MAF: variants seen among roughly 807,000 people sequenced by gnomAD.
The protein encoded by MAF is transcription factor Maf.
MAF carries 10 observed loss-of-function variants against 22.0 expected under a neutral mutation model. The ratio of observed to expected loss-of-function variants is 0.45; its 90% CI spans 0.28 to 0.77. The LOEUF is 0.77. MAF is among the 30% of genes least tolerant of loss of function. The pLI, the probability that MAF is intolerant of heterozygous loss-of-function variation, is 0.12. For missense variants in MAF, 544 were observed against 548.4 expected, an observed-to-expected ratio of 0.99 and a Z score of 0.08; for synonymous variants, 337 against 255.8, an observed-to-expected ratio of 1.32 and a Z score of -3.03.
At chr16:79,443,897 C>A in the MAF span, among the ~76,000 whole-genome samples, 2 of 151,426 alleles carry the variant, frequency 1.3e-5, no homozygotes, top group South Asian at 2.1e-4. Context: ...AATGGTAAAG[C>A]CACTTGTGGT....
the MAF span, among the ~76,000 whole-genome samples, chr16:79,571,268 G>C: frequency 1.3e-4 from 20 of 152,200 alleles, no homozygotes; most frequent in South Asian, 6.2e-4. Flanking sequence ...AGAACTTGAA[G>C]AATCAGCTCC....
At chr16:79,253,124 T>TGCC in the MAF span, among the ~76,000 whole-genome samples, 1 of 152,198 alleles carries the variant, frequency 6.6e-6, no homozygotes, top group Non-Finnish European at 1.5e-5. Flanking sequence ...ACCAGTGTAC[T>TGCC]GCCCTTCTTG....
chr16:79,374,457 G>T, the MAF span, among the ~76,000 whole-genome samples: 82 of 152,136 alleles, frequency 5.4e-4, no homozygotes, highest in Non-Finnish European at 4.7e-4. Flanking sequence ...CCTGAATTGC[G>T]GCAATTGCTG....
chr16:79,561,007 G>A, the MAF span, among the ~76,000 whole-genome samples: 1 of 152,142 alleles, frequency 6.6e-6, no homozygotes, highest in African/African-American at 2.4e-5. Context: ...CTACCTCAAT[G>A]CTGTCCTGCC....
the MAF span, among the ~76,000 whole-genome samples, chr16:79,519,292 T>C: frequency 2.0e-5 from 3 of 152,024 alleles, no homozygotes; most frequent in Non-Finnish European, 4.4e-5. Flanking sequence ...TGGAACCCCA[T>C]GAGATGGGGT....
the MAF span, among the ~76,000 whole-genome samples, chr16:79,456,935 T>TACACACACAC: frequency 1.3e-5 from 2 of 150,136 alleles, no homozygotes. Context: ...GCCATGTTTT[T>TACACACACAC]ACACACACAC....
chr16:79,491,614 A>T, the MAF span, among the ~76,000 whole-genome samples: 3 of 152,182 alleles, frequency 2.0e-5, no homozygotes, highest in East Asian at 1.9e-4. Context: ...ATTTGCATGC[A>T]CTGCTGCTAT....
the MAF span, among the ~76,000 whole-genome samples, chr16:79,533,183 G>A: frequency 2.6e-5 from 4 of 152,072 alleles, no homozygotes; most frequent in African/African-American, 4.8e-5. Context: ...ATTTATCTAT[G>A]CCTTAAAGGG....
chr16:79,529,085 T>A, the MAF span, among the ~76,000 whole-genome samples: 1 of 152,180 alleles, frequency 6.6e-6, no homozygotes, highest in South Asian at 2.1e-4. Flanking sequence ...TTCTCCCACC[T>A]GAACATAAAA....
At chr16:79,543,719 C>T in the MAF span, among the ~76,000 whole-genome samples, 4 of 145,088 alleles carry the variant, frequency 2.8e-5, no homozygotes, top group Non-Finnish European at 6.0e-5. Context: ...CGGAGTCTCG[C>T]TCTGTCGCCC....
chr16:79,507,189 C>G, the MAF span, among the ~76,000 whole-genome samples: 1 of 150,606 alleles, frequency 6.6e-6, no homozygotes, highest in Admixed American at 6.6e-5. Context: ...TCTCGGCCCA[C>G]TGCAAGCTCT....
the MAF span, among the ~76,000 whole-genome samples, chr16:79,282,661 TACTC>T: frequency 6.6e-6 from 1 of 152,226 alleles, no homozygotes; most frequent in South Asian, 2.1e-4. Context: ...ATTCTCAAAT[TACTC>T]AGTATCAGTT....
chr16:79,479,655 C>T, the MAF span, among the ~76,000 whole-genome samples: 8 of 152,180 alleles, frequency 5.3e-5, no homozygotes, highest in African/African-American at 1.9e-4. Flanking sequence ...GATCACAGTA[C>T]TGAGTATGTG....
the MAF span, among the ~76,000 whole-genome samples, chr16:79,517,827 G>A: frequency 1.3e-5 from 2 of 151,996 alleles, no homozygotes; most frequent in Non-Finnish European, 2.9e-5. Context: ...CACCCGCCTC[G>A]GCCTCCCAAA....
chr16:79,530,620 A>G, the MAF span, among the ~76,000 whole-genome samples: 1 of 152,196 alleles, frequency 6.6e-6, no homozygotes, highest in Non-Finnish European at 1.5e-5. Context: ...TACAACATAA[A>G]CACCAAAATG....
At chr16:79,343,923 G>A in the MAF span, among the ~76,000 whole-genome samples, 4 of 152,280 alleles carry the variant, frequency 2.6e-5, no homozygotes, top group Admixed American at 1.3e-4. Flanking sequence ...CTTCCTAGGT[G>A]AAATCAATGT....
the MAF span, chr16:79,516,367 C>T: frequency 5.3e-5 from 8 of 152,212 alleles, no homozygotes; most frequent in African/African-American, 7.2e-5. Flanking sequence ...CTTCCCATGG[C>T]GAAGGGGAAA....
chr16:79,552,519 A>C, the MAF span, among the ~76,000 whole-genome samples: 1 of 152,026 alleles, frequency 6.6e-6, no homozygotes, highest in Non-Finnish European at 1.5e-5. Context: ...TCTTAAACCT[A>C]TTTTCCATCT....
the MAF span, among the ~76,000 whole-genome samples, chr16:79,515,701 C>G: frequency 6.6e-6 from 1 of 152,130 alleles, no homozygotes; most frequent in East Asian, 1.9e-4. Flanking sequence ...GTGCTTCCTG[C>G]CCTTGCTACA....
Sources: gnomAD v4.1 joint callset for allele counts (sites outside exome capture counted in the v4.1 genomes callset) on GRCh38, gnomAD v4.1.1 for gene constraint, MANE v1.5 for transcripts, NCBI Gene and HGNC (gene_info 2026-07-23, HGNC 2026-07-21) for gene names.